Variants in CDK8 observed in about 807,000 individuals in gnomAD.
CDK8 encodes cyclin-dependent kinase 8.
A neutral mutation model predicts 71.5 loss-of-function variants in CDK8; 29 were observed. The ratio of observed to expected loss-of-function variants is 0.41; its 90% CI spans 0.30 to 0.55. The LOEUF (loss-of-function observed/expected upper bound fraction) is 0.55, where lower values mean the gene tolerates loss of function less well. Ranked by LOEUF, CDK8 falls within the 20% of genes least tolerant of loss-of-function variation. The probability of loss-of-function intolerance (pLI) is 0.37; values close to 1 mark genes in which losing one functional copy is unlikely to be tolerated. For missense variants in CDK8, 288 were observed against 572.6 expected, an observed-to-expected ratio of 0.50 and a Z score of 5.07; for synonymous variants, 161 against 192.1, an observed-to-expected ratio of 0.84 and a Z score of 1.34.
intron 4 of CDK8, among the ~76,000 whole-genome samples, chr13:26,364,145 C>T (rs912643188): frequency 6.6e-6 from 1 of 152,100 alleles, no homozygotes; most frequent in Non-Finnish European, 1.5e-5. Context: ...AGCTGGACTA[C>T]CGAATTTAGG....
intron 1 of CDK8, among the ~76,000 whole-genome samples, chr13:26,282,935 T>G (rs929056200): frequency 3.3e-5 from 5 of 152,042 alleles, no homozygotes; most frequent in South Asian, 4.1e-4. Context: ...CAGACAAACT[T>G]TAAAGCAACA....
intron 1 of CDK8, among the ~76,000 whole-genome samples, chr13:26,258,509 G>GTGTGTGTT (rs1234310495): frequency 6.6e-5 from 10 of 151,860 alleles, no homozygotes; most frequent in African/African-American, 2.4e-4. Context: ...GTGTGTGTGT[G>GTGTGTGTT]TGTGTAGGAC....
intron 4 of CDK8, among the ~76,000 whole-genome samples, chr13:26,354,843 G>A (rs1021278071): frequency 6.6e-6 from 1 of 152,084 alleles, no homozygotes; most frequent in African/African-American, 2.4e-5. Context: ...AATTTTCATG[G>A]ATTTAAATTA....
At chr13:26,377,282 T>C (rs1874999767) in intron 4 of CDK8, among the ~76,000 whole-genome samples, 1 of 152,244 alleles carries the variant, frequency 6.6e-6, no homozygotes, top group African/African-American at 2.4e-5. Flanking sequence ...GTTCCTCAGA[T>C]GCCAGGCAGC....
At chr13:26,290,826 CAA>C (rs1873260883) in intron 1 of CDK8, among the ~76,000 whole-genome samples, 1 of 151,870 alleles carries the variant, frequency 6.6e-6, no homozygotes, top group African/African-American at 2.4e-5. Context: ...AACAAAAAAA[CAA>C]ATTCTGGGCC....
At chr13:26,287,410 G>A (rs567652562) in intron 1 of CDK8, among the ~76,000 whole-genome samples, 11 of 152,310 alleles carry the variant, frequency 7.2e-5, no homozygotes, top group Non-Finnish European at 1.6e-4. Flanking sequence ...TGAAATAATG[G>A]CATTCGCAGC....
intron 2 of CDK8, among the ~76,000 whole-genome samples, chr13:26,339,211 A>T (rs1385909368): frequency 4.6e-5 from 7 of 152,008 alleles, no homozygotes; most frequent in Admixed American, 2.6e-4. Context: ...GATTGTGAAA[A>T]TATTTCCCAA....
chr13:26,332,691 C>T (rs1180225004), intron 1 of CDK8, among the ~76,000 whole-genome samples: 2 of 152,062 alleles, frequency 1.3e-5, no homozygotes, highest in African/African-American at 4.8e-5. Context: ...TTTCCTCATT[C>T]GTATGATGTT....
intron 1 of CDK8, among the ~76,000 whole-genome samples, chr13:26,325,126 G>T (rs1022005251): frequency 1.6e-4 from 25 of 152,174 alleles, no homozygotes; most frequent in African/African-American, 5.3e-4. Flanking sequence ...AATCTGTCTT[G>T]TTCAGTGCCA....
At chr13:26,345,638 C>T (rs980160816) in intron 2 of CDK8, among the ~76,000 whole-genome samples, 1 of 152,192 alleles carries the variant, frequency 6.6e-6, no homozygotes, top group East Asian at 1.9e-4. Context: ...CTGCCTCGGC[C>T]TCCCAAAGTG....
chr13:26,358,364 TA>T (rs1457374445), intron 4 of CDK8, among the ~76,000 whole-genome samples: 4 of 152,086 alleles, frequency 2.6e-5, no homozygotes, highest in African/African-American at 9.7e-5. Context: ...CAAGTTAAAA[TA>T]ATGTGAGGTA....
chr13:26,343,474 T>C (rs1282593596), intron 2 of CDK8, among the ~76,000 whole-genome samples: 2 of 152,234 alleles, frequency 1.3e-5, no homozygotes, highest in Non-Finnish European at 2.9e-5. Flanking sequence ...TCCTTTACTC[T>C]CTTAATAAAC....
intron 1 of CDK8, among the ~76,000 whole-genome samples, chr13:26,315,920 C>T (rs1016024961): frequency 2.6e-5 from 4 of 152,144 alleles, no homozygotes; most frequent in East Asian, 1.9e-4. Flanking sequence ...TTTTGGAACC[C>T]TGGAGTCTGT....
intron 1 of CDK8, among the ~76,000 whole-genome samples, chr13:26,306,761 T>G (rs1874062842): frequency 6.6e-6 from 1 of 152,038 alleles, no homozygotes. Flanking sequence ...CCCGAGTAGC[T>G]GGGACTACAG....
intron 4 of CDK8, among the ~76,000 whole-genome samples, chr13:26,379,287 A>G (rs1244838536): frequency 6.6e-6 from 1 of 152,214 alleles, no homozygotes; most frequent in East Asian, 1.9e-4. Context: ...GATGCTGGTA[A>G]GGTGGAATCT....
chr13:26,382,664 C>G, intron 4 of CDK8, 150 bp from the exon 5 acceptor site: 1 of 539,496 alleles, frequency 1.9e-6, no homozygotes, highest in Non-Finnish European at 3.3e-6. Context: ...TATATACATG[C>G]ACAGTTTCTT....
chr13:26,401,117 A>G lies in CDK8; in HGVS notation c.1032-152A>G. The G allele has an allele frequency of 1.6e-6, 1 of 638,776 alleles. No individual in the cohort carries two copies. The highest frequency in any genetic ancestry group is 2.7e-5 in the East Asian group (1 of 36,514). The allele number at this position is 638,776 out of a possible 1,614,324, so 39.6% of individuals were successfully genotyped here. On this transcript the variant is annotated intron_variant, in intron 10 of 12. Coordinates refer to ENST00000381527, the MANE Select transcript of CDK8 (RefSeq NM_001260.3). The surrounding 1 kb of genome is among the most constrained non-coding windows in gnomAD (Gnocchi z 4.5). ...TAATATTACTAGTTACAAAGAAAAG[A>G]TTCGTTTTGTCACAGTTACATGAAA...
At chr13:26,307,953 G>C (rs1874117225) in intron 1 of CDK8, among the ~76,000 whole-genome samples, 1 of 152,150 alleles carries the variant, frequency 6.6e-6, no homozygotes, top group African/African-American at 2.4e-5. Context: ...ATTGTAACTT[G>C]TAAGCTTATT....
Position 26,290,236 on chromosome 13 carries a change from A to G in CDK8, c.128+35467A>G, listed in dbSNP as rs1229663401. On this transcript the variant is annotated intron_variant, in intron 1 of 12. Transcript: ENST00000381527. ...AAGTGTTGAAGTTGTTTTAAAAGCT[A>G]TAATTCTGATTTGCGAAAATCATGC... Among the ~76,000 whole-genome samples, 3 of 152,230 alleles carry G rather than the reference A, an allele frequency of 2.0e-5. No homozygotes were observed. The East Asian group carries it at 5.8e-4, about 29-fold the overall frequency.
Sources: allele counts gnomAD v4.1 joint callset (sites outside exome capture counted in the v4.1 genomes callset), GRCh38; gene constraint gnomAD v4.1.1; non-coding constraint Gnocchi (gnomAD v3.1); transcripts MANE v1.5; gene names NCBI Gene and HGNC (gene_info 2026-07-23, HGNC 2026-07-21).